The following AKAP6 variants were observed in gnomAD, a reference collection of about 807,000 sequenced individuals.
AKAP6 encodes the protein A-kinase anchoring protein 6.
In AKAP6, 58 loss-of-function variants were observed where a neutral mutation model predicts 188.5. That is an observed-to-expected ratio of 0.31 (90% confidence interval 0.25 to 0.38). The LOEUF (loss-of-function observed/expected upper bound fraction) is 0.38, where lower values mean the gene tolerates loss of function less well. Among genes scored for constraint, AKAP6 ranks in the 10% least tolerant of loss-of-function variants. The pLI is 1.00. For missense variants in AKAP6, 2,710 were observed against 2,740.0 expected (o/e 0.99, Z 0.24); for synonymous variants, 989 against 998.6 (o/e 0.99, Z 0.18).
intron 11 of AKAP6, among the ~76,000 whole-genome samples, chr14:32,741,566 C>G (rs560181430): frequency 6.6e-6 from 1 of 151,536 alleles, no homozygotes; most frequent in East Asian, 1.9e-4. Context: ...GGATTTTTAC[C>G]ATGTAGGGAT....
chr14:32,715,268 A>G (rs2030126874), intron 9 of AKAP6, among the ~76,000 whole-genome samples: 1 of 152,032 alleles, frequency 6.6e-6, no homozygotes, highest in Non-Finnish European at 1.5e-5. Context: ...TATATCAGGA[A>G]TTAATGGTCT....
At chr14:32,826,926 C>T (rs1389168940) in intron 13 of AKAP6, among the ~76,000 whole-genome samples, 1 of 152,142 alleles carries the variant, frequency 6.6e-6, no homozygotes, top group Non-Finnish European at 1.5e-5. Flanking sequence ...GAACTCACAT[C>T]GCCCCCAAGT....
intron 7 of AKAP6, among the ~76,000 whole-genome samples, chr14:32,644,355 A>G (rs565335006): frequency 6.6e-6 from 1 of 152,200 alleles, no homozygotes; most frequent in African/African-American, 2.4e-5. Context: ...CTCTCTACCA[A>G]GTGTATCTAG....
At chr14:32,357,991 A>G (rs1887538320) in intron 1 of AKAP6, among the ~76,000 whole-genome samples, 1 of 152,238 alleles carries the variant, frequency 6.6e-6, no homozygotes, top group African/African-American at 2.4e-5. Context: ...TACCAGCTGC[A>G]CTTTACTGAG....
chr14:32,705,793 A>G (rs562584659), intron 9 of AKAP6, among the ~76,000 whole-genome samples: 3 of 152,152 alleles, frequency 2.0e-5, no homozygotes, highest in Non-Finnish European at 4.4e-5. Context: ...CATGTTGGCT[A>G]TTGGCTCTGC....
chr14:32,540,196 T>TA (rs1882883832), intron 3 of AKAP6, among the ~76,000 whole-genome samples: 2 of 106,518 alleles, frequency 1.9e-5, no homozygotes, highest in Non-Finnish European at 3.7e-5. Flanking sequence ...ATATATATTT[T>TA]AATTTTTTAT....
At chr14:32,476,635 A>G (rs1052510228) in intron 2 of AKAP6, among the ~76,000 whole-genome samples, 13 of 152,224 alleles carry the variant, frequency 8.5e-5, no homozygotes, top group African/African-American at 2.9e-4. Flanking sequence ...CAAGTTGAAG[A>G]TCTTTCTGAA....
chr14:32,656,844 G>A (rs1888473513), intron 7 of AKAP6, among the ~76,000 whole-genome samples: 1 of 152,098 alleles, frequency 6.6e-6, no homozygotes, highest in Non-Finnish European at 1.5e-5. Flanking sequence ...TTATAAAGCA[G>A]GGTTCTATGC....
intron 2 of AKAP6, among the ~76,000 whole-genome samples, chr14:32,493,037 C>T (rs1320414249): frequency 2.0e-5 from 3 of 152,078 alleles, no homozygotes; most frequent in Admixed American, 6.6e-5. Context: ...TGTGGAAAGT[C>T]GGAACTGGGG....
intron 1 of AKAP6, among the ~76,000 whole-genome samples, chr14:32,404,351 A>G (rs1418797360): frequency 1.3e-5 from 2 of 152,038 alleles, no homozygotes; most frequent in East Asian, 1.9e-4. Flanking sequence ...AGCAGAAAAA[A>G]ATACTGAAGT....
chr14:32,354,182 G>A (rs1158248119), intron 1 of AKAP6, among the ~76,000 whole-genome samples: 1 of 151,866 alleles, frequency 6.6e-6, no homozygotes, highest in Non-Finnish European at 1.5e-5. Flanking sequence ...CAAAGCTGGA[G>A]GCATCATGCT....
intron 9 of AKAP6, among the ~76,000 whole-genome samples, chr14:32,703,880 G>A (rs1385672223): frequency 6.6e-6 from 1 of 152,174 alleles, no homozygotes; most frequent in Non-Finnish European, 1.5e-5. Context: ...TGAGGCCGTT[G>A]GTTATGTAAA....
At chr14:32,514,222 C>T (rs901444733) in intron 2 of AKAP6, among the ~76,000 whole-genome samples, 3 of 152,186 alleles carry the variant, frequency 2.0e-5, no homozygotes, top group Non-Finnish European at 4.4e-5. Context: ...AACCAAAGGA[C>T]TTTGATCCTA....
intron 7 of AKAP6, among the ~76,000 whole-genome samples, chr14:32,604,358 T>A (rs1367393421): frequency 1.3e-5 from 2 of 152,104 alleles, no homozygotes; most frequent in African/African-American, 4.8e-5. Context: ...CCCAACTAGT[T>A]CTCTCTCCAC....
At chr14:32,764,351 G>T (rs1345861345) in intron 11 of AKAP6, among the ~76,000 whole-genome samples, 1 of 152,154 alleles carries the variant, frequency 6.6e-6, no homozygotes, top group Non-Finnish European at 1.5e-5. Flanking sequence ...ATTACTAACT[G>T]TTACATATTT....
In AKAP6 at chr14:32,726,513, T is replaced by A. The variant is rs188647536; in HGVS notation, c.3001-5941T>A. On this transcript the variant is annotated intron_variant, in intron 9 of 13. Transcript: ENST00000280979. ...TTTTGCCGTAATTTTATACTTGTGT[T>A]ATTTTTGCAATAAGATACATGTCAA... 1.3e-3 allele frequency among the ~76,000 whole-genome samples: 205 copies of A among 152,376 alleles called. 2 individuals carry two copies. Among genetic ancestry groups the A allele is most frequent in the South Asian group, 7.2e-3 (35 of 4,828 alleles).
intron 8 of AKAP6, among the ~76,000 whole-genome samples, chr14:32,679,491 A>G (rs770141242): frequency 1.2e-4 from 19 of 152,206 alleles, no homozygotes; most frequent in Non-Finnish European, 1.5e-5. Flanking sequence ...AAGTGACAAG[A>G]GGAAAGAGGC....
intron 2 of AKAP6, chr14:32,438,751 A>C (rs548382166): frequency 6.6e-6 from 1 of 152,248 alleles, no homozygotes; most frequent in Non-Finnish European, 1.5e-5. Flanking sequence ...CTTTGGATTC[A>C]GAAGCTGTGC....
At chr14:32,814,787 G>A (rs2034335852) in intron 12 of AKAP6, among the ~76,000 whole-genome samples, 1 of 152,132 alleles carries the variant, frequency 6.6e-6, no homozygotes, top group African/African-American at 2.4e-5. Flanking sequence ...GGAATGCAGT[G>A]GTACAATCAT....
Sources: gnomAD v4.1 joint callset for allele counts (sites outside exome capture counted in the v4.1 genomes callset) on GRCh38, gnomAD v4.1.1 for gene constraint, MANE v1.5 for transcripts, NCBI Gene and HGNC (gene_info 2026-07-23, HGNC 2026-07-21) for gene names.